SLC11A2: variants seen among roughly 807,000 people sequenced by gnomAD.
The protein encoded by SLC11A2 is natural resistance-associated macrophage protein 2.
In SLC11A2, 38 loss-of-function variants were observed where a neutral mutation model predicts 68.0. The ratio of observed to expected loss-of-function variants is 0.56; its 90% confidence interval spans 0.43 to 0.73. The LOEUF is 0.73. SLC11A2 is among the 30% of genes least tolerant of loss of function. SLC11A2 has a pLI of 0.00. For missense variants in SLC11A2, 517 were observed against 690.5 expected, an observed-to-expected ratio of 0.75 and a Z score of 2.82; for synonymous variants, 242 against 250.6, an observed-to-expected ratio of 0.97 and a Z score of 0.32.
At position 50,987,497 on chromosome 12, in the gene SLC11A2, C is replaced by A. The variant is rs907456272; in HGVS notation, c.*828G>T. The A allele has an allele frequency of 1.6e-6, 2 of 1,287,174 alleles. No homozygotes were observed. The highest frequency in any genetic ancestry group is 2.5e-5 in the South Asian group (2 of 80,940). The allele number at this position is 1,287,174 out of a possible 1,614,324, so 79.7% of individuals were successfully genotyped here. A position where few individuals can be genotyped will look rare whatever the true frequency, so the allele number is the denominator to read the frequency against. Reference sequence around the variant, plus strand: ...TAAATACTACCATCTGTTTCTATCACCACCCTCCTGGAGAAAGAAAGTTAA... The same window carrying A: ...TAAATACTACCATCTGTTTCTATCAACACCCTCCTGGAGAAAGAAAGTTAA... On this transcript the variant is annotated 3_prime_UTR_variant, in exon 16 of 16. Coordinates refer to ENST00000262052, the MANE Select transcript of SLC11A2 (RefSeq NM_000617.3).
At chr12:50,982,317 C>T (rs1022242121), downstream of SLC11A2, among the ~76,000 whole-genome samples, 9 of 152,170 alleles carry the variant, frequency 5.9e-5, no homozygotes, top group African/African-American at 1.9e-4. Flanking sequence ...TCAGAATCAC[C>T]GAAGCTGCTT....
intron 3 of SLC11A2, among the ~76,000 whole-genome samples, chr12:51,007,700 G>C (rs1170887231): frequency 2.0e-5 from 3 of 151,584 alleles, no homozygotes; most frequent in Admixed American, 6.6e-5. Context: ...GAGTACCATA[G>C]CATGATCTTG....
At chr12:50,996,792 T>G (rs751253553) in intron 9 of SLC11A2, 25 bp downstream of exon 9, 37 of 1,612,108 alleles carry the variant, frequency 2.3e-5, no homozygotes, top group Non-Finnish European at 3.1e-5. Flanking sequence ...GTCTAGGAGG[T>G]GAAGGAGATA....
chr12:50,992,902 G>A lies in SLC11A2; in HGVS notation c.1105C>T (p.Pro369Ser). 2 of 1,613,878 alleles carry A rather than the reference G, an allele frequency of 1.2e-6. No homozygotes were observed. The highest frequency in any genetic ancestry group is 1.7e-6 in the Non-Finnish European group (2 of 1,179,952). The stretch of plus-strand genomic sequence containing the variant: ...ACTGCCCAAATGTAGAGTGCAGCAG[G>A]CCCAAAGTAACATCCCAGCACAACA... ...GGVVLGCYFG[P>S]AALYIWAVGI... Residue 369 changes from proline to serine, a missense_variant, in exon 12 of 16, where the codon CCT (proline) becomes TCT (serine). Physicochemically the swap from Pro to Ser is moderately conservative, Grantham distance 74 (BLOSUM62 -1). Transcript: ENST00000262052.
downstream of SLC11A2, chr12:50,985,853 C>A: frequency 1.2e-6 from 1 of 818,742 alleles, no homozygotes; most frequent in East Asian, 9.6e-5. Flanking sequence ...TCTATCCTTT[C>A]TAAGGAGAAA....
At chr12:50,973,160 G>A in the SLC11A2 span, among the ~76,000 whole-genome samples, 1 of 152,266 alleles carries the variant, frequency 6.6e-6, no homozygotes, top group Non-Finnish European at 1.5e-5. Flanking sequence ...TCCCAGCACG[G>A]AGCTTGAGAT....
upstream of SLC11A2, among the ~76,000 whole-genome samples, chr12:51,027,156 CAA>C (rs1445615099): frequency 4.9e-5 from 7 of 142,890 alleles, no homozygotes; most frequent in East Asian, 2.1e-4. Context: ...GCCTTGGAAA[CAA>C]GAGCGAAAAC....
chr12:50,986,312 T>C lies in SLC11A2; in HGVS notation c.*2013A>G, dbSNP rs1330851587. ...TACATATTATTTATTGCACCCAGAG[T>C]ACTGGTTAAAATGCACTTTCTGTGA... On this transcript the variant is annotated 3_prime_UTR_variant, in exon 16 of 16. Coordinates refer to ENST00000262052, the MANE Select transcript of SLC11A2 (RefSeq NM_000617.3). The C allele has an allele frequency of 1.6e-6, 2 of 1,286,396 alleles. No homozygotes were observed. The highest frequency in any genetic ancestry group is 2.0e-6 in the Non-Finnish European group (2 of 987,916). The allele number at this position is 1,286,396 out of a possible 1,614,324, so 79.7% of individuals were successfully genotyped here. A position where few individuals can be genotyped will look rare whatever the true frequency, so the allele number is the denominator to read the frequency against.
chr12:51,025,827 C>T (rs916808554), intron 1 of SLC11A2: 1 of 986,520 alleles, frequency 1.0e-6, no homozygotes, highest in African/African-American at 1.7e-5. Flanking sequence ...TCCCTGAAGT[C>T]GGTTAGGTTA....
chr12:51,001,900 C>A (rs1443638688), intron 5 of SLC11A2, among the ~76,000 whole-genome samples: 1 of 152,060 alleles, frequency 6.6e-6, no homozygotes, highest in Non-Finnish European at 1.5e-5. Flanking sequence ...ATAATGCCCA[C>A]GTATGCAAAA....
Position 50,986,077 on chromosome 12 carries a change from A to G in SLC11A2, c.*2248T>C. ...AAAAGCTCAGTTGTAACCACTCCTA[A>G]CACCACTAGCAGAACCTCAAGGGAG... On this transcript the variant is annotated 3_prime_UTR_variant, in exon 16 of 16. Coordinates refer to ENST00000262052, the MANE Select transcript of SLC11A2 (RefSeq NM_000617.3). 8 of 1,286,242 alleles carry G rather than the reference A, an allele frequency of 6.2e-6. No homozygotes were observed. Among genetic ancestry groups the G allele is most frequent in the Non-Finnish European group, 8.1e-6 (8 of 988,202 alleles). 79.7% of individuals were successfully genotyped at this position (1,286,242 alleles called of 1,614,324 possible).
chr12:50,991,695 T>TG, intron 13 of SLC11A2, 23 bp from the exon 14 acceptor site: 1 of 1,593,648 alleles, frequency 6.3e-7, no homozygotes. Context: ...GAAGATCAGA[T>TG]GGGATTACTA....
downstream of SLC11A2, chr12:50,981,697 T>C: frequency 6.9e-7 from 1 of 1,451,896 alleles, no homozygotes; most frequent in Non-Finnish European, 9.3e-7. Flanking sequence ...TAGAAAAACA[T>C]GTTCTTATAG....
rs1566005820 is a variant in SLC11A2, at chr12:51,000,402, C to T, written c.447G>A (p.Leu149=). The part of the protein sequence containing the change: ...RQYPKVPRVI[L]WLMVELAIIG... ...TGATAGCCAACTCCACCATCAGCCA[C>T]AGGATGACTCGTGGGACCTAAACAT... Residue 149 remains leucine (L), a synonymous_variant, in exon 6 of 16, where the codon CTG becomes CTA. Coordinates refer to ENST00000262052, the MANE Select transcript of SLC11A2 (RefSeq NM_000617.3). The T allele has an allele frequency of 1.9e-6, 3 of 1,613,470 alleles. No homozygotes were observed. Among genetic ancestry groups the T allele is most frequent in the Non-Finnish European group, 2.5e-6 (3 of 1,179,494 alleles).
intron 2 of SLC11A2, among the ~76,000 whole-genome samples, chr12:51,009,840 C>A (rs867289529): frequency 5.6e-4 from 85 of 152,250 alleles, no homozygotes; most frequent in Middle Eastern, 3.4e-3. Flanking sequence ...CTAATCTTGG[C>A]TCAACTCAGA....
Position 50,986,850 on chromosome 12 carries a change from A to G in SLC11A2, c.*1475T>C. Reference sequence around the variant, plus strand: ...ACCATCCATCCAGTCTGCGCTTTTGACTGTGTGCAAGTATCAGTAATAATG... The same window carrying G: ...ACCATCCATCCAGTCTGCGCTTTTGGCTGTGTGCAAGTATCAGTAATAATG... On this transcript the variant is annotated 3_prime_UTR_variant, in exon 16 of 16. Transcript: ENST00000262052. The G allele has an allele frequency of 1.6e-6, 2 of 1,287,190 alleles. No individual in the cohort carries two copies. The highest frequency in any genetic ancestry group is 2.0e-6 in the Non-Finnish European group (2 of 988,682). 79.7% of individuals were successfully genotyped at this position (1,287,190 alleles called of 1,614,324 possible). A position where few individuals can be genotyped will look rare whatever the true frequency, so the allele number is the denominator to read the frequency against.
At chr12:51,012,700 T>C (rs1474952975) in intron 1 of SLC11A2, among the ~76,000 whole-genome samples, 3 of 152,220 alleles carry the variant, frequency 2.0e-5, no homozygotes, top group Non-Finnish European at 4.4e-5. Flanking sequence ...CTGGGGCATA[T>C]ATACCACCAC....
intron 1 of SLC11A2, among the ~76,000 whole-genome samples, chr12:51,016,305 C>T (rs1943645470): frequency 6.6e-6 from 1 of 151,034 alleles, no homozygotes; most frequent in African/African-American, 2.4e-5. Context: ...CCAGCACTTT[C>T]GGAGGCTGAG....
At chr12:50,957,207 C>CT in the SLC11A2 span, among the ~76,000 whole-genome samples, 297 of 146,824 alleles carry the variant, frequency 2.0e-3, no homozygotes, top group African/African-American at 6.9e-3. Flanking sequence ...AAATTACTTG[C>CT]TTTTTTTTCT....
Sources: allele counts gnomAD v4.1 joint callset (sites outside exome capture counted in the v4.1 genomes callset), GRCh38; gene constraint gnomAD v4.1.1; transcripts MANE v1.5; gene names NCBI Gene and HGNC (gene_info 2026-07-23, HGNC 2026-07-21).